The following MOSMO variants were observed in gnomAD, a reference collection of about 807,000 sequenced individuals.
MOSMO encodes modulator of smoothened protein.
Under a neutral mutation model 18.4 loss-of-function variants are expected in MOSMO, and 5 were observed. That is an observed-to-expected ratio of 0.27 (90% confidence interval 0.14 to 0.57). The LOEUF (loss-of-function observed/expected upper bound fraction) is 0.57, where lower values mean the gene tolerates loss of function less well. Ranked by LOEUF, MOSMO falls within the 20% of genes least tolerant of loss-of-function variation. The pLI, the probability that MOSMO is intolerant of heterozygous loss-of-function variation, is 0.92. For synonymous variants in MOSMO, 82 were observed against 82.3 expected (o/e 1.00, Z 0.02); for missense variants, 138 against 211.8 (o/e 0.65, Z 2.16).
chr16:22,088,026 C>G (rs1598032103), downstream of MOSMO, among the ~76,000 whole-genome samples: 4 of 152,058 alleles, frequency 2.6e-5, no homozygotes, highest in Admixed American at 2.6e-4. Context: ...TTATCTATAC[C>G]TGCCACTGCT....
chr16:22,015,048 C>T (rs539798113), intron 1 of MOSMO, among the ~76,000 whole-genome samples: 2 of 152,118 alleles, frequency 1.3e-5, no homozygotes, highest in East Asian at 1.9e-4. Context: ...TGTGTGCTAC[C>T]ATCACCATAG....
At chr16:22,048,872 T>C (rs1900366936) in intron 1 of MOSMO, among the ~76,000 whole-genome samples, 1 of 152,164 alleles carries the variant, frequency 6.6e-6, no homozygotes, top group Admixed American at 6.5e-5. Context: ...AATTTATTTT[T>C]GTTCATAATT....
intron 1 of MOSMO, among the ~76,000 whole-genome samples, chr16:22,028,202 T>C (rs1468768128): frequency 6.6e-6 from 1 of 152,120 alleles, no homozygotes; most frequent in Non-Finnish European, 1.5e-5. Context: ...CAAACACACG[T>C]GTGCGTATGC....
intron 1 of MOSMO, among the ~76,000 whole-genome samples, chr16:22,069,239 G>T (rs1900801810): frequency 6.6e-6 from 1 of 152,160 alleles, no homozygotes; most frequent in Non-Finnish European, 1.5e-5. Context: ...ATAGAGTATT[G>T]TAGGCAGAGG....
At chr16:22,087,133 G>C (rs992085249), downstream of MOSMO, 2 of 152,196 alleles carry the variant, frequency 1.3e-5, no homozygotes, top group African/African-American at 4.8e-5. Context: ...GAGAGGACCA[G>C]GACGATGCCA....
intron 1 of MOSMO, among the ~76,000 whole-genome samples, chr16:22,064,917 G>A (rs1393506265): frequency 1.3e-5 from 2 of 152,158 alleles, no homozygotes; most frequent in African/African-American, 2.4e-5. Context: ...TATATGGATA[G>A]TTTAAACATT....
At chr16:22,032,331 C>T (rs1001233783) in intron 1 of MOSMO, among the ~76,000 whole-genome samples, 1 of 151,834 alleles carries the variant, frequency 6.6e-6, no homozygotes, top group Non-Finnish European at 1.5e-5. Flanking sequence ...GGTGGGATTA[C>T]AGGTGCATGC....
intron 2 of MOSMO, among the ~76,000 whole-genome samples, chr16:22,076,591 A>T (rs1900973909): frequency 6.6e-6 from 1 of 152,202 alleles, no homozygotes; most frequent in Non-Finnish European, 1.5e-5. Flanking sequence ...TGCAAATGAG[A>T]CTTTTAATTC....
At chr16:22,011,408 A>T (rs1248730325) in intron 1 of MOSMO, among the ~76,000 whole-genome samples, 2 of 152,236 alleles carry the variant, frequency 1.3e-5, no homozygotes, top group African/African-American at 4.8e-5. Context: ...GGTATTTAGG[A>T]TAGTGGCCAA....
At chr16:22,039,447 A>T (rs960105226) in intron 1 of MOSMO, among the ~76,000 whole-genome samples, 15 of 152,246 alleles carry the variant, frequency 9.9e-5, no homozygotes, top group African/African-American at 3.6e-4. Flanking sequence ...TGCTAGTTGA[A>T]GCAGAATCTG....
chr16:22,050,379 A>G (rs779710740), intron 1 of MOSMO, among the ~76,000 whole-genome samples: 4 of 152,342 alleles, frequency 2.6e-5, no homozygotes, highest in Middle Eastern at 6.8e-3. Context: ...GAAGTATTGA[A>G]GGTAAACCTG....
At chr16:22,038,694 T>A (rs1353619402) in intron 1 of MOSMO, among the ~76,000 whole-genome samples, 1 of 152,156 alleles carries the variant, frequency 6.6e-6, no homozygotes, top group Non-Finnish European at 1.5e-5. Flanking sequence ...TTAAAAATGG[T>A]TGAAAAGCTA....
At chr16:22,062,569 C>CT (rs1361390839) in intron 1 of MOSMO, among the ~76,000 whole-genome samples, 1 of 152,198 alleles carries the variant, frequency 6.6e-6, no homozygotes, top group Non-Finnish European at 1.5e-5. Context: ...CCTCCTGCCT[C>CT]TGTCTCCCAA....
At chr16:22,071,081 G>A (rs1900840948) in intron 1 of MOSMO, among the ~76,000 whole-genome samples, 1 of 152,154 alleles carries the variant, frequency 6.6e-6, no homozygotes, top group South Asian at 2.1e-4. Context: ...AGACATTTGT[G>A]GTAGAGTATT....
chr16:22,041,717 G>C (rs1376501658), intron 1 of MOSMO, among the ~76,000 whole-genome samples: 1 of 150,634 alleles, frequency 6.6e-6, no homozygotes, highest in Admixed American at 6.6e-5. Flanking sequence ...GCCTCACTTT[G>C]TTGCCCAGGC....
At chr16:22,060,865 C>T (rs1009627366) in intron 1 of MOSMO, among the ~76,000 whole-genome samples, 2 of 150,814 alleles carry the variant, frequency 1.3e-5, no homozygotes, top group African/African-American at 4.9e-5. Context: ...AGGAGCAAAA[C>T]TCTGTCTCAA....
downstream of MOSMO, among the ~76,000 whole-genome samples, chr16:22,087,695 AG>A: frequency 6.6e-6 from 1 of 152,326 alleles, no homozygotes; most frequent in East Asian, 1.9e-4. Flanking sequence ...GGTAGTAAGC[AG>A]CAAAATGAAC....
chr16:22,045,109 C>T (rs902085159), intron 1 of MOSMO, among the ~76,000 whole-genome samples: 1 of 151,164 alleles, frequency 6.6e-6, no homozygotes, highest in South Asian at 2.1e-4. Flanking sequence ...TGCTTGAGCC[C>T]AGGAGTTGGA....
At chr16:22,078,564 T>C (rs1395521290) in intron 2 of MOSMO, among the ~76,000 whole-genome samples, 1 of 152,138 alleles carries the variant, frequency 6.6e-6, no homozygotes, top group Non-Finnish European at 1.5e-5. Context: ...AAATAGGAAA[T>C]GATAGGAACA....
Sources: allele counts gnomAD v4.1 joint callset (sites outside exome capture counted in the v4.1 genomes callset), GRCh38; gene constraint gnomAD v4.1.1; transcripts MANE v1.5; gene names NCBI Gene and HGNC (gene_info 2026-07-23, HGNC 2026-07-21).